LMNB1: variants seen among roughly 807,000 people sequenced by gnomAD.
The protein encoded by LMNB1 is lamin B1.
In LMNB1, 23 loss-of-function variants were observed where a neutral mutation model predicts 67.1. That is an observed-to-expected ratio of 0.34 (90% CI 0.25 to 0.49). The LOEUF is 0.49. Among genes scored for constraint, LMNB1 ranks in the 20% least tolerant of loss-of-function variants. The pLI is 0.99. For synonymous variants in LMNB1, 281 were observed against 282.9 expected, an observed-to-expected ratio of 0.99 and a Z score of 0.07; for missense variants, 634 against 746.5, an observed-to-expected ratio of 0.85 and a Z score of 1.76.
At chr5:126,815,189 T>C (rs1287450383) in intron 5 of LMNB1, 1 of 152,242 alleles carries the variant, frequency 6.6e-6, no homozygotes, top group Admixed American at 6.5e-5. Flanking sequence ...CTGAGTCATA[T>C]CAGTTTCATC....
At position 126,836,301 on chromosome 5, in the gene LMNB1, GTAATCT is replaced by G. The variant is rs1752246629; in HGVS notation, c.*39_*44del. On this transcript the variant is annotated 3_prime_UTR_variant, in exon 11 of 11. Coordinates refer to ENST00000261366, the MANE Select transcript of LMNB1 (RefSeq NM_005573.4). The stretch of plus-strand genomic sequence containing the variant: ...GTCTTCCTCAAAATAAAGAAGTATG[GTAATCT>G]TTACCTGTATACAGTGCAGAGCCTT... 6.9e-7 allele frequency: 1 copy of G among 1,439,786 alleles called. No individual in the cohort carries two copies. The highest frequency in any genetic ancestry group is 9.8e-7 in the Non-Finnish European group (1 of 1,021,790). The allele number at this position is 1,439,786 out of a possible 1,614,324, so 89.2% of individuals were successfully genotyped here. A position where few individuals can be genotyped will look rare whatever the true frequency, so the allele number is the denominator to read the frequency against.
At chr5:126,834,498 C>T (rs924097726) in intron 10 of LMNB1, among the ~76,000 whole-genome samples, 1 of 152,118 alleles carries the variant, frequency 6.6e-6, no homozygotes, top group Non-Finnish European at 1.5e-5. Flanking sequence ...TGAGGCCAGT[C>T]CAGATTCAAA....
At chr5:126,784,221 G>T (rs1336116168) in intron 1 of LMNB1, among the ~76,000 whole-genome samples, 3 of 151,168 alleles carry the variant, frequency 2.0e-5, no homozygotes, top group Non-Finnish European at 4.4e-5. Context: ...TAGACTTGGG[G>T]TTTTTCCATG....
intron 8 of LMNB1, among the ~76,000 whole-genome samples, chr5:126,824,935 G>A (rs146352895): frequency 8.6e-4 from 121 of 141,146 alleles, no homozygotes; most frequent in Admixed American, 3.4e-3. Context: ...TGATCTGCCC[G>A]CCTCGGCCTC....
intron 1 of LMNB1, among the ~76,000 whole-genome samples, chr5:126,791,164 A>G (rs954078447): frequency 7.9e-5 from 12 of 152,162 alleles, no homozygotes; most frequent in Admixed American, 5.2e-4. Flanking sequence ...ATCCAGTTCT[A>G]AAATTTCACA....
intron 5 of LMNB1, among the ~76,000 whole-genome samples, chr5:126,818,256 T>TG (rs1751761874): frequency 4.6e-5 from 7 of 151,090 alleles, no homozygotes; most frequent in Admixed American, 4.6e-4. Flanking sequence ...TTTTTTTTTT[T>TG]GAGACAGAGT....
At chr5:126,781,141 T>C (rs1750623747) in intron 1 of LMNB1, among the ~76,000 whole-genome samples, 1 of 151,994 alleles carries the variant, frequency 6.6e-6, no homozygotes, top group Non-Finnish European at 1.5e-5. Context: ...ATACACAAAT[T>C]AGCCGCGTGT....
In LMNB1 at chr5:126,783,190, A is replaced by T. The variant is rs141177229; in HGVS notation, c.359+5323A>T. On this transcript the variant is annotated intron_variant, in intron 1 of 10. Transcript: ENST00000261366. ...ACTCCAGCTTGGGCGACAGAGCGAG[A>T]CTCTGTCTCAAAAACAAAAACAAAC... is the stretch of plus-strand genomic sequence containing the variant. 1.3e-3 allele frequency among the ~76,000 whole-genome samples: 199 copies of T among 151,992 alleles called. 3 individuals carry two copies. The East Asian group carries it at 0.036, about 27-fold the overall frequency.
chr5:126,801,019 T>C, intron 1 of LMNB1, among the ~76,000 whole-genome samples: 1 of 119,640 alleles, frequency 8.4e-6, no homozygotes, highest in Non-Finnish European at 1.7e-5. Flanking sequence ...GGTCTCACTC[T>C]CTCACCAAGG....
intron 1 of LMNB1, among the ~76,000 whole-genome samples, chr5:126,785,146 A>ATT (rs200467792): frequency 2.1e-4 from 29 of 135,650 alleles, no homozygotes; most frequent in South Asian, 4.7e-4. Flanking sequence ...TGCCCGGCTA[A>ATT]TTTTTTTTTT....
At chr5:126,831,289 C>T (rs1752124013) in intron 9 of LMNB1, among the ~76,000 whole-genome samples, 1 of 152,244 alleles carries the variant, frequency 6.6e-6, no homozygotes, top group Non-Finnish European at 1.5e-5. Context: ...ATTATATGCT[C>T]TGCAGCACTC....
intron 5 of LMNB1, 56 bp from the exon 6 acceptor site, chr5:126,818,866 C>T: frequency 1.7e-6 from 2 of 1,197,328 alleles, no homozygotes; most frequent in South Asian, 2.5e-5. Context: ...AAATAGCTGC[C>T]TGGTGCTAAT....
At chr5:126,827,566 C>A (rs1365221434) in intron 9 of LMNB1, among the ~76,000 whole-genome samples, 8 of 152,142 alleles carry the variant, frequency 5.3e-5, no homozygotes, top group African/African-American at 1.9e-4. Flanking sequence ...GAAGCTGAGG[C>A]AGGAGAATTG....
intron 10 of LMNB1, among the ~76,000 whole-genome samples, chr5:126,835,581 A>G (rs1230604336): frequency 6.6e-6 from 1 of 152,222 alleles, no homozygotes; most frequent in East Asian, 1.9e-4. Flanking sequence ...GTTATTGAAC[A>G]ATGGTTTTCA....
At chr5:126,783,595 A>G (rs529157128) in intron 1 of LMNB1, among the ~76,000 whole-genome samples, 40 of 152,354 alleles carry the variant, frequency 2.6e-4, no homozygotes, top group Admixed American at 2.4e-3. Context: ...GATGTTTGAT[A>G]AAGCAAGATC....
chr5:126,816,163 C>T (rs1254169172), intron 5 of LMNB1, among the ~76,000 whole-genome samples: 1 of 151,794 alleles, frequency 6.6e-6, no homozygotes, highest in Non-Finnish European at 1.5e-5. Flanking sequence ...ATGGATTTCT[C>T]CATTTATAGC....
At chr5:126,829,818 A>C (rs982605754) in intron 9 of LMNB1, among the ~76,000 whole-genome samples, 1 of 151,930 alleles carries the variant, frequency 6.6e-6, no homozygotes, top group Non-Finnish European at 1.5e-5. Flanking sequence ...GCCACATTGC[A>C]CTGGGCTCCT....
At chr5:126,793,092 ATTGCT>A (rs1283430146) in intron 1 of LMNB1, among the ~76,000 whole-genome samples, 1 of 152,172 alleles carries the variant, frequency 6.6e-6, no homozygotes, top group Non-Finnish European at 1.5e-5. Flanking sequence ...TGCCACTGCT[ATTGCT>A]TTAGGAATAG....
chr5:126,803,685 T>TAC (rs1751344412), intron 1 of LMNB1, among the ~76,000 whole-genome samples: 1 of 152,190 alleles, frequency 6.6e-6, no homozygotes, highest in Non-Finnish European at 1.5e-5. Context: ...TAGGTGGGAC[T>TAC]ACAGGCATTG....
Sources: gnomAD v4.1 joint callset for allele counts (sites outside exome capture counted in the v4.1 genomes callset) on GRCh38, gnomAD v4.1.1 for gene constraint, MANE v1.5 for transcripts, NCBI Gene and HGNC (gene_info 2026-07-23, HGNC 2026-07-21) for gene names.